Variants in SLC25A17 observed in about 807,000 individuals in gnomAD.
SLC25A17 encodes the protein peroxisomal membrane protein PMP34.
A neutral mutation model predicts 38.5 loss-of-function variants in SLC25A17; 26 were observed. The ratio of observed to expected loss-of-function variants is 0.68; its 90% CI spans 0.50 to 0.94. SLC25A17 has a LOEUF of 0.94. Ranked by LOEUF, SLC25A17 falls within the 40% of genes least tolerant of loss-of-function variation. The probability of loss-of-function intolerance (pLI) is 0.00; values close to 1 mark genes in which losing one functional copy is unlikely to be tolerated. For synonymous variants in SLC25A17, 139 were observed against 136.2 expected (o/e 1.02, Z -0.14); for missense variants, 333 against 372.7 (o/e 0.89, Z 0.88).
intron 1 of SLC25A17, among the ~76,000 whole-genome samples, chr22:40,814,929 C>G (rs1432784242): frequency 6.6e-6 from 1 of 151,944 alleles, no homozygotes; most frequent in Non-Finnish European, 1.5e-5. Context: ...ATGCCGTTCT[C>G]CTGCCTCAGC....
At chr22:40,797,765 CATTG>C (rs1308090656) in intron 2 of SLC25A17, among the ~76,000 whole-genome samples, 1 of 152,216 alleles carries the variant, frequency 6.6e-6, no homozygotes, top group African/African-American at 2.4e-5. Flanking sequence ...TATCAGAAAT[CATTG>C]ATTAATTCAG....
At chr22:40,795,810 C>T (rs373967102) in intron 2 of SLC25A17, among the ~76,000 whole-genome samples, 92 of 151,774 alleles carry the variant, frequency 6.1e-4, no homozygotes, top group South Asian at 2.3e-3. Flanking sequence ...TTTTTTGAGA[C>T]GGAGTCTCGC....
At chr22:40,801,402 T>G (rs17002171) in intron 1 of SLC25A17, among the ~76,000 whole-genome samples, 4,485 of 152,048 alleles carry the variant, frequency 0.029, 218 homozygotes, top group African/African-American at 0.1. Context: ...TACAGTGAAA[T>G]CCAACTCTTC....
Position 40,770,769 on chromosome 22 carries a change from C to T in SLC25A17, c.*65G>A. The T allele has an allele frequency of 2.7e-6, 4 of 1,494,670 alleles. No homozygotes were observed. The highest frequency in any genetic ancestry group is 3.6e-6 in the Non-Finnish European group (4 of 1,102,764). 92.6% of individuals were successfully genotyped at this position (1,494,670 alleles called of 1,614,324 possible). A position where few individuals can be genotyped will look rare whatever the true frequency, so the allele number is the denominator to read the frequency against. On this transcript the variant is annotated 3_prime_UTR_variant, in exon 9 of 9. Coordinates refer to ENST00000435456, the MANE Select transcript of SLC25A17 (RefSeq NM_006358.4). ...AGGAGCCAGAGTCAAGGGAGAATCA[C>T]TTCTCTTCACTCAGGAGGAAACCTC...
In SLC25A17 at chr22:40,794,677, TG is replaced by T; in HGVS notation, c.116-98del. 5.3e-6 allele frequency: 3 copies of T among 564,784 alleles called. No individual in the cohort carries two copies. The South Asian group carries it at 6.6e-5, about 12-fold the overall frequency. 35.0% of individuals were successfully genotyped at this position (564,784 alleles called of 1,614,324 possible). A position where few individuals can be genotyped will look rare whatever the true frequency, so the allele number is the denominator to read the frequency against. On this transcript the variant is annotated intron_variant, in intron 2 of 8. Coordinates refer to ENST00000435456, the MANE Select transcript of SLC25A17 (RefSeq NM_006358.4). ...CTCTGTCGCCCAGGCTGGAGTGCAG[TG>T]GCGTGATCTCAGCTCACTGCAACCT... is the stretch of plus-strand genomic sequence containing the variant.
At chr22:40,808,833 A>C (rs373189826) in intron 1 of SLC25A17, among the ~76,000 whole-genome samples, 1 of 152,220 alleles carries the variant, frequency 6.6e-6, no homozygotes, top group Non-Finnish European at 1.5e-5. Context: ...AAACCTTTTC[A>C]TAAGAATCAT....
intron 1 of SLC25A17, among the ~76,000 whole-genome samples, chr22:40,805,425 C>T (rs1013548792): frequency 6.6e-6 from 1 of 152,212 alleles, no homozygotes; most frequent in African/African-American, 2.4e-5. Flanking sequence ...CTCAACCCAA[C>T]ATTCCTGGCT....
chr22:40,816,739 T>C (rs999277927), intron 1 of SLC25A17, among the ~76,000 whole-genome samples: 1 of 151,952 alleles, frequency 6.6e-6, no homozygotes, highest in Non-Finnish European at 1.5e-5. Flanking sequence ...GCCTCCCGAG[T>C]AGCTGGGATT....
intron 4 of SLC25A17, among the ~76,000 whole-genome samples, chr22:40,791,928 T>C (rs990950864): frequency 6.6e-6 from 1 of 152,186 alleles, no homozygotes; most frequent in African/African-American, 2.4e-5. Context: ...AAGAGAGAGC[T>C]ACACATCCAT....
intron 4 of SLC25A17, chr22:40,780,152 CA>C (rs1459329827): frequency 6.6e-6 from 1 of 152,020 alleles, no homozygotes; most frequent in Non-Finnish European, 1.5e-5. Context: ...TAAGGTATCT[CA>C]AAATATTATA....
chr22:40,797,476 A>T (rs1938596904), intron 2 of SLC25A17: 2 of 420,732 alleles, frequency 4.8e-6, no homozygotes, highest in African/African-American at 4.1e-5. Flanking sequence ...TCTTCTTTTG[A>T]CACCATCTAA....
chr22:40,817,325 G>C (rs961704618), intron 1 of SLC25A17: 3 of 152,236 alleles, frequency 2.0e-5, no homozygotes, highest in Non-Finnish European at 4.4e-5. Context: ...TCCATCCTTC[G>C]TTTGTCTCCT....
Position 40,772,099 on chromosome 22 carries a change from T to C in SLC25A17, c.777-1118A>G, listed in dbSNP as rs1477651580. Among the ~76,000 whole-genome samples, 4 of 151,790 alleles carry C rather than the reference T, an allele frequency of 2.6e-5. No homozygotes were observed. In the South Asian group the frequency reaches 6.2e-4, roughly 24 times the overall value. ...TATGCCTTCATTTCTCTTGGGTAAA[T>C]ACCCTGAAGTGGATGGCTGGGTCCT... On this transcript the variant is annotated intron_variant, in intron 8 of 8. Transcript: ENST00000435456.
At chr22:40,816,016 G>A (rs1019234245) in intron 1 of SLC25A17, among the ~76,000 whole-genome samples, 9 of 151,930 alleles carry the variant, frequency 5.9e-5, no homozygotes, top group African/African-American at 1.7e-4. Flanking sequence ...GAGAAACCCC[G>A]TCTCTACTGA....
chr22:40,813,567 C>G (rs995180683), intron 1 of SLC25A17, among the ~76,000 whole-genome samples: 1 of 149,156 alleles, frequency 6.7e-6, no homozygotes, highest in African/African-American at 2.5e-5. Flanking sequence ...ATTAAAAATA[C>G]AAAAAGATTA....
chr22:40,789,073 C>A lies in SLC25A17; in HGVS notation c.334+3452G>T. The A allele has an allele frequency of 3.6e-6, 1 of 279,708 alleles. No homozygotes were observed. Among genetic ancestry groups the A allele is most frequent in the Non-Finnish European group, 7.3e-6 (1 of 136,278 alleles). The allele number at this position is 279,708 out of a possible 1,614,324, so 17.3% of individuals were successfully genotyped here. A position where few individuals can be genotyped will look rare whatever the true frequency, so the allele number is the denominator to read the frequency against. ...TCCTATGCTCACCACCATCTTCTGA[C>A]CATCTCTACTTCCAGCACTGGCCCA... On this transcript the variant is annotated intron_variant, in intron 4 of 8. Coordinates refer to ENST00000435456, the MANE Select transcript of SLC25A17 (RefSeq NM_006358.4). The surrounding 1 kb of genome is among the most constrained non-coding windows in gnomAD (Gnocchi z 4.5).
At chr22:40,772,851 C>A (rs1258767112) in intron 8 of SLC25A17, among the ~76,000 whole-genome samples, 1 of 152,096 alleles carries the variant, frequency 6.6e-6, no homozygotes, top group Non-Finnish European at 1.5e-5. Context: ...TTTGCCCAGG[C>A]TGGTCTTGAA....
chr22:40,780,275 C>T (rs1398428854), intron 4 of SLC25A17: 1 of 152,150 alleles, frequency 6.6e-6, no homozygotes, highest in Non-Finnish European at 1.5e-5. Context: ...CTGCCTATCT[C>T]TAAGGAGCAT....
chr22:40,812,735 C>T (rs1005642921), intron 1 of SLC25A17, among the ~76,000 whole-genome samples: 29 of 152,076 alleles, frequency 1.9e-4, no homozygotes, highest in African/African-American at 6.3e-4. Flanking sequence ...AAGCCAGACA[C>T]GGTGGCTCAC....
Sources: allele counts gnomAD v4.1 joint callset (sites outside exome capture counted in the v4.1 genomes callset), GRCh38; gene constraint gnomAD v4.1.1; non-coding constraint Gnocchi (gnomAD v3.1); transcripts MANE v1.5; gene names NCBI Gene and HGNC (gene_info 2026-07-23, HGNC 2026-07-21).